MDGA2: variants seen among roughly 807,000 people sequenced by gnomAD.
The protein encoded by MDGA2 is MAM domain containing glycosylphosphatidylinositol anchor 2.
MDGA2 carries 40 observed loss-of-function variants against 117.8 expected under a neutral mutation model. The observed-to-expected ratio is 0.34, with a 90% CI of 0.26 to 0.44. The LOEUF (loss-of-function observed/expected upper bound fraction) is 0.44, where lower values mean the gene tolerates loss of function less well. Ranked by LOEUF, MDGA2 falls within the 20% of genes least tolerant of loss-of-function variation. MDGA2 has a pLI of 1.00. For synonymous variants in MDGA2, 452 were observed against 439.0 expected (o/e 1.03, Z -0.37); for missense variants, 1,123 against 1,250.6 (o/e 0.90, Z 1.54).
At chr14:47,190,299 A>G (rs754082061) in intron 3 of MDGA2, among the ~76,000 whole-genome samples, 2 of 152,220 alleles carry the variant, frequency 1.3e-5, no homozygotes, top group African/African-American at 4.8e-5. Flanking sequence ...CAATATACAC[A>G]GCCTCCCAGG....
chr14:46,956,880 T>G (rs1363428062), intron 9 of MDGA2, among the ~76,000 whole-genome samples: 1 of 152,114 alleles, frequency 6.6e-6, no homozygotes, highest in East Asian at 1.9e-4. Flanking sequence ...TCAGTTCCCA[T>G]GAGATCTGAT....
At chr14:47,102,908 C>A (rs1481943857) in intron 5 of MDGA2, among the ~76,000 whole-genome samples, 1 of 152,194 alleles carries the variant, frequency 6.6e-6, no homozygotes, top group Non-Finnish European at 1.5e-5. Context: ...AAGACACCCA[C>A]TGTGTCTGCT....
intron 2 of MDGA2, among the ~76,000 whole-genome samples, chr14:47,230,661 A>G (rs968023562): frequency 2.0e-4 from 30 of 152,062 alleles, no homozygotes; most frequent in African/African-American, 6.7e-4. Flanking sequence ...AAGAACAACA[A>G]CACATTATAT....
At chr14:47,583,069 C>A (rs1896258290) in intron 1 of MDGA2, among the ~76,000 whole-genome samples, 1 of 151,868 alleles carries the variant, frequency 6.6e-6, no homozygotes, top group South Asian at 2.1e-4. Flanking sequence ...TTAATTCAAT[C>A]AAATTTTACT....
intron 7 of MDGA2, among the ~76,000 whole-genome samples, chr14:47,046,008 T>TG (rs1889249830): frequency 9.8e-6 from 1 of 101,816 alleles, no homozygotes; most frequent in Non-Finnish European, 2.0e-5. Context: ...TGTTGTGGGG[T>TG]GTGGGGAGGG....
intron 5 of MDGA2, among the ~76,000 whole-genome samples, chr14:47,119,577 T>C (rs1187035533): frequency 6.6e-6 from 1 of 152,184 alleles, no homozygotes; most frequent in Non-Finnish European, 1.5e-5. Context: ...TGCTTTTTAC[T>C]GATGATTCCA....
chr14:47,262,455 A>G (rs1028421574), intron 2 of MDGA2, among the ~76,000 whole-genome samples: 2 of 152,168 alleles, frequency 1.3e-5, no homozygotes, highest in Non-Finnish European at 2.9e-5. Flanking sequence ...CTGACACAAA[A>G]TTTACACCAT....
At chr14:47,242,092 C>G (rs991755609) in intron 2 of MDGA2, among the ~76,000 whole-genome samples, 2 of 151,826 alleles carry the variant, frequency 1.3e-5, no homozygotes, top group African/African-American at 4.8e-5. Flanking sequence ...AGTGTCTTAT[C>G]CTAATAACCT....
At chr14:47,529,328 T>C (rs925658944) in intron 1 of MDGA2, among the ~76,000 whole-genome samples, 3 of 152,178 alleles carry the variant, frequency 2.0e-5, no homozygotes, top group Non-Finnish European at 2.9e-5. Flanking sequence ...TGAGCAATTA[T>C]CACTTTTTAA....
rs372380044 is a variant in MDGA2 at position 47,243,715 on chromosome 14, C to G, written c.421-25520G>C. Among the ~76,000 whole-genome samples the G allele has an allele frequency of 1.4e-4, 21 of 151,654 alleles. 1 individual carries two copies. Among genetic ancestry groups the G allele is most frequent in the Admixed American group, 4.6e-4 (7 of 15,220 alleles). On this transcript the variant is annotated intron_variant, in intron 2 of 16. Transcript: ENST00000399232. ...AACATCAGAAGGGAGAGACTCCAGA[C>G]GCGCCACCTTAAGAGCTGTAACGCT...
At position 46,936,409 on chromosome 14, in the gene MDGA2, C is replaced by T. The variant is rs917420406; in HGVS notation, c.2090-16249G>A. Among the ~76,000 whole-genome samples the T allele has an allele frequency of 5.9e-5, 9 of 152,048 alleles. No individual in the cohort carries two copies. The East Asian group carries it at 1.5e-3, about 26-fold the overall frequency. On this transcript the variant is annotated intron_variant, in intron 9 of 16. Transcript: ENST00000399232. ...ATCTTTATTTATGGGAATGGAGGTC[C>T]ATGTATATTGGTACATGTAGGGAGA... is the stretch of plus-strand genomic sequence containing the variant.
intron 1 of MDGA2, among the ~76,000 whole-genome samples, chr14:47,661,996 C>CA (rs1036807305): frequency 6.6e-6 from 1 of 152,138 alleles, no homozygotes; most frequent in Admixed American, 6.5e-5. Context: ...CTCGGCCTCT[C>CA]AAAGTGCTGG....
intron 3 of MDGA2, among the ~76,000 whole-genome samples, chr14:47,177,709 G>A (rs1432243006): frequency 6.6e-6 from 1 of 152,078 alleles, no homozygotes; most frequent in Non-Finnish European, 1.5e-5. Flanking sequence ...TAAGTGACAA[G>A]TTAATGGGTG....
At chr14:47,105,967 G>A (rs1372392483) in intron 5 of MDGA2, among the ~76,000 whole-genome samples, 4 of 20,506 alleles carry the variant, frequency 2.0e-4, no homozygotes, top group African/African-American at 1.4e-3. Context: ...GTTTCGTTCC[G>A]TGACTAGCCG....
chr14:47,452,021 G>A (rs946589702), intron 1 of MDGA2, among the ~76,000 whole-genome samples: 2 of 152,086 alleles, frequency 1.3e-5, no homozygotes, highest in African/African-American at 4.8e-5. Flanking sequence ...GCTCAATATG[G>A]TGCACATTTT....
chr14:46,891,842 A>AC (rs1307420121), intron 10 of MDGA2, among the ~76,000 whole-genome samples: 2 of 151,484 alleles, frequency 1.3e-5, no homozygotes, highest in East Asian at 3.9e-4. Flanking sequence ...TATAATAAAT[A>AC]TCATAATAAA....
intron 9 of MDGA2, among the ~76,000 whole-genome samples, chr14:46,934,573 A>T (rs1884709684): frequency 6.6e-6 from 1 of 152,282 alleles, no homozygotes; most frequent in South Asian, 2.1e-4. Flanking sequence ...AAAAAGATCC[A>T]AATGGATATT....
chr14:46,927,183 G>A (rs1884365005), intron 9 of MDGA2, among the ~76,000 whole-genome samples: 1 of 152,104 alleles, frequency 6.6e-6, no homozygotes, highest in African/African-American at 2.4e-5. Flanking sequence ...TTTGAGGAAA[G>A]TAAGATTTAA....
At chr14:47,006,898 T>C (rs963793589) in intron 8 of MDGA2, among the ~76,000 whole-genome samples, 2 of 151,714 alleles carry the variant, frequency 1.3e-5, no homozygotes, top group African/African-American at 4.8e-5. Flanking sequence ...GAGAATAGTA[T>C]TAACAGACTA....
Sources: allele counts gnomAD v4.1 joint callset (sites outside exome capture counted in the v4.1 genomes callset), GRCh38; gene constraint gnomAD v4.1.1; transcripts MANE v1.5; gene names NCBI Gene and HGNC (gene_info 2026-07-23, HGNC 2026-07-21).